Variants in ATXN10 observed in about 807,000 individuals in gnomAD.
The protein encoded by ATXN10 is ataxin 10, also known as ataxin-10.
ATXN10 carries 28 observed loss-of-function variants against 52.9 expected under a neutral mutation model. That is an observed-to-expected ratio of 0.53 (90% CI 0.39 to 0.73). The LOEUF is 0.73. ATXN10 is among the 30% of genes least tolerant of loss of function. The probability of loss-of-function intolerance (pLI) is 0.00; values close to 1 mark genes in which losing one functional copy is unlikely to be tolerated. For synonymous variants in ATXN10, 226 were observed against 221.5 expected (o/e 1.02, Z -0.18); for missense variants, 565 against 577.0 (o/e 0.98, Z 0.21).
rs530821135 is a variant in ATXN10 at position 45,786,117 on chromosome 22, T to C, written c.1174-20842T>C. 1.3e-5 allele frequency among the ~76,000 whole-genome samples: 2 copies of C among 152,348 alleles called. No homozygotes were observed. Among genetic ancestry groups the C allele is most frequent in the East Asian group, 3.9e-4 (2 of 5,194 alleles). ...ATGAGAAAATTGCACTAAATTCAGA[T>C]GTGAATGTTTGCTAAAGAAAAGATA... On this transcript the variant is annotated intron_variant, in intron 9 of 11. Coordinates refer to ENST00000252934, the MANE Select transcript of ATXN10 (RefSeq NM_013236.4). This position sits in a 1 kb window ranked among gnomAD's most constrained non-coding sequence, Gnocchi z 4.1.
At position 45,684,951 on chromosome 22, in the gene ATXN10, G is replaced by T. The variant is rs1361967604; in HGVS notation, c.117-4761G>T. Among the ~76,000 whole-genome samples the T allele has an allele frequency of 6.6e-6, 1 of 152,112 alleles. No homozygotes were observed. Among genetic ancestry groups the T allele is most frequent in the Non-Finnish European group, 1.5e-5 (1 of 68,024 alleles). ...GTTGTTTTAATCTGTGAACTTGTGT[G>T]GATTTTAATAGTTTTTCTCACTGGC... On this transcript the variant is annotated intron_variant, in intron 1 of 11. Coordinates refer to ENST00000252934, the MANE Select transcript of ATXN10 (RefSeq NM_013236.4). The surrounding 1 kb of genome is among the most constrained non-coding windows in gnomAD (Gnocchi z 4.1).
At chr22:45,724,538 G>A (rs558831452) in intron 6 of ATXN10, among the ~76,000 whole-genome samples, 1 of 151,994 alleles carries the variant, frequency 6.6e-6, no homozygotes, top group Non-Finnish European at 1.5e-5. Context: ...TCACTGATTT[G>A]TTTGAGTTCC....
At chr22:45,807,802 G>C (rs949765690) in intron 10 of ATXN10, among the ~76,000 whole-genome samples, 21 of 152,180 alleles carry the variant, frequency 1.4e-4, no homozygotes, top group Non-Finnish European at 2.8e-4. Flanking sequence ...CTTGGCTGGT[G>C]GTGGGGCAGG....
Position 45,780,409 on chromosome 22 carries a change from G to T in ATXN10, c.1174-26550G>T, listed in dbSNP as rs1202947708. On this transcript the variant is annotated intron_variant, in intron 9 of 11. Transcript: ENST00000252934. The surrounding 1 kb of genome is among the most constrained non-coding windows in gnomAD (Gnocchi z 4.0). ...GACTGTTTGCTCTCATGAGAGCAGG[G>T]TGTGAAAGCCCCCTTGTTGCCTGTT... Among the ~76,000 whole-genome samples, 1 of 152,198 alleles carries T rather than the reference G, an allele frequency of 6.6e-6. No homozygotes were observed. Among genetic ancestry groups the T allele is most frequent in the Non-Finnish European group, 1.5e-5 (1 of 68,028 alleles).
rs1418794660 is a variant in ATXN10, at chr22:45,844,771, A to G, written c.*1100A>G. On this transcript the variant is annotated 3_prime_UTR_variant, in exon 12 of 12. Transcript: ENST00000252934. ...CTAATATATCCAGAGATTTTGCACAATTCGTGTTGAACCTTCCAAAACAAA... is the reference window on the plus strand; with the variant it reads ...CTAATATATCCAGAGATTTTGCACAGTTCGTGTTGAACCTTCCAAAACAAA... The G allele has an allele frequency of 6.6e-6, 1 of 152,234 alleles. No homozygotes were observed. Among genetic ancestry groups the G allele is most frequent in the African/African-American group, 2.4e-5 (1 of 41,458 alleles). 9.4% of individuals were successfully genotyped at this position (152,234 alleles called of 1,614,324 possible). A position where few individuals can be genotyped will look rare whatever the true frequency, so the allele number is the denominator to read the frequency against.
intron 9 of ATXN10, among the ~76,000 whole-genome samples, chr22:45,760,752 C>A (rs181126817): frequency 5.9e-5 from 9 of 151,978 alleles, no homozygotes; most frequent in Non-Finnish European, 1.3e-4. Flanking sequence ...CAGTAGTGTA[C>A]CCAAGGCCAC....
Position 45,828,622 on chromosome 22 carries a change from T to C in ATXN10, c.1238-14369T>C, listed in dbSNP as rs1317412912. On this transcript the variant is annotated intron_variant, in intron 10 of 11. Transcript: ENST00000252934. The surrounding 1 kb of genome is among the most constrained non-coding windows in gnomAD (Gnocchi z 4.5). ...TGCAAGAGAGCACTGTGAACAATTG[T>C]ACACCATCAGTTTGGATAATGTAAA... Among the ~76,000 whole-genome samples the C allele has an allele frequency of 6.6e-6, 1 of 152,204 alleles. No homozygotes were observed. The highest frequency in any genetic ancestry group is 1.5e-5 in the Non-Finnish European group (1 of 68,030).
In ATXN10 at chr22:45,762,215, A is replaced by C. The variant is rs1306148796; in HGVS notation, c.1173+21677A>C. On this transcript the variant is annotated intron_variant, in intron 9 of 11. Coordinates refer to ENST00000252934, the MANE Select transcript of ATXN10 (RefSeq NM_013236.4). The surrounding 1 kb of genome is among the most constrained non-coding windows in gnomAD (Gnocchi z 4.3). ...CGTTTCCGAGACTGTGTTTCTATTT[A>C]TTTGCCCTTTGTCTGTTTCCCCTGA... Among the ~76,000 whole-genome samples the C allele has an allele frequency of 6.6e-6, 1 of 152,040 alleles. No individual in the cohort carries two copies. Among genetic ancestry groups the C allele is most frequent in the Non-Finnish European group, 1.5e-5 (1 of 68,008 alleles).
chr22:45,797,423 A>G (rs1413251741), intron 9 of ATXN10, among the ~76,000 whole-genome samples: 1 of 152,232 alleles, frequency 6.6e-6, no homozygotes, highest in Non-Finnish European at 1.5e-5. Context: ...ATATCCCAAG[A>G]TATTTGAAAA....
intron 3 of ATXN10, among the ~76,000 whole-genome samples, chr22:45,697,492 C>T (rs1923658658): frequency 6.6e-6 from 1 of 152,104 alleles, no homozygotes; most frequent in Admixed American, 6.5e-5. Flanking sequence ...TTTCCGCCTC[C>T]CTGTAGCCCC....
In ATXN10 at chr22:45,702,773, A is replaced by C. The variant is rs1923889674; in HGVS notation, c.573A>C (p.Lys191Asn). 6.2e-7 allele frequency: 1 copy of C among 1,614,058 alleles called. No individual in the cohort carries two copies. The highest frequency in any genetic ancestry group is 8.5e-7 in the Non-Finnish European group (1 of 1,179,972). The change falls in exon 5 of 12, where the codon AAA becomes AAC. Residue 191 changes from lysine (K) to asparagine (N), a missense_variant. Physicochemically the swap from Lys to Asn is moderately conservative, Grantham distance 94. Transcript: ENST00000252934. ...LFTSLNHERM[K>N]ELEENLNIAI... is the part of the protein sequence containing the mutation. Reference sequence around the variant, plus strand: ...CATCCCTTAATCATGAAAGAATGAAAGAACTGGAGGAGAACCTCAATATTG... The same window carrying C: ...CATCCCTTAATCATGAAAGAATGAACGAACTGGAGGAGAACCTCAATATTG...
rs1445661215 is a variant in ATXN10, at chr22:45,837,912, C to T, written c.1238-5079C>T. ...AAAAGCACAGGCCATCATTTGCTGACCCCTGTTCTTAGCAGTCTTCTAAAC... is the reference window on the plus strand; with the variant it reads ...AAAAGCACAGGCCATCATTTGCTGATCCCTGTTCTTAGCAGTCTTCTAAAC... On this transcript the variant is annotated intron_variant, in intron 10 of 11. Transcript: ENST00000252934. The surrounding 1 kb of genome is among the most constrained non-coding windows in gnomAD (Gnocchi z 5.8). Among the ~76,000 whole-genome samples, 1 of 152,194 alleles carries T rather than the reference C, an allele frequency of 6.6e-6. No individual in the cohort carries two copies. The highest frequency in any genetic ancestry group is 2.4e-5 in the African/African-American group (1 of 41,438).
rs74268525 is a variant in ATXN10, at chr22:45,740,679, T to TACACACAC, written c.1173+175_1173+182dup. 6.6e-4 allele frequency: 259 copies of TACACACAC among 392,040 alleles called. 2 individuals are homozygous for TACACACAC. The highest frequency in any genetic ancestry group is 3.6e-3 in the East Asian group (65 of 17,966). The allele number at this position is 392,040 out of a possible 1,614,324, so 24.3% of individuals were successfully genotyped here. A position where few individuals can be genotyped will look rare whatever the true frequency, so the allele number is the denominator to read the frequency against. On this transcript the variant is annotated intron_variant, in intron 9 of 11. Transcript: ENST00000252934. ...TAGAGAGATATATATTTTATATGAATACACACACACACACACACACACACA... is the reference window on the plus strand; with the variant it reads ...TAGAGAGATATATATTTTATATGAATACACACACACACACACACACACACACACACACA...
At chr22:45,729,871 A>G (rs531490492) in intron 7 of ATXN10, 1 of 423,960 alleles carries the variant, frequency 2.4e-6, no homozygotes, top group South Asian at 2.1e-5. Context: ...TGTATCTATT[A>G]AAAGTGGAGC....
rs573431097 is a variant in ATXN10 at position 45,718,673 on chromosome 22, A to T, written c.728+180A>T. Among the ~76,000 whole-genome samples the T allele has an allele frequency of 6.6e-6, 1 of 152,170 alleles. No individual in the cohort carries two copies. The highest frequency in any genetic ancestry group is 1.5e-5 in the Non-Finnish European group (1 of 68,032). On this transcript the variant is annotated intron_variant, in intron 6 of 11. Coordinates refer to ENST00000252934, the MANE Select transcript of ATXN10 (RefSeq NM_013236.4). The surrounding 1 kb of genome is among the most constrained non-coding windows in gnomAD (Gnocchi z 4.4). The stretch of plus-strand genomic sequence containing the variant: ...TACAGCTTAGCCACAGTAGGCAGTG[A>T]TTTATGGAGGGTAGCAGGATCCAGG...
At position 45,820,677 on chromosome 22, in the gene ATXN10, A is replaced by C. The variant is rs1928616057; in HGVS notation, c.1237+13655A>C. On this transcript the variant is annotated intron_variant, in intron 10 of 11. Coordinates refer to ENST00000252934, the MANE Select transcript of ATXN10 (RefSeq NM_013236.4). This position sits in a 1 kb window ranked among gnomAD's most constrained non-coding sequence, Gnocchi z 4.9. ...AACTCTTACCATTCTTTAGTCTTAAAATCTTCATTGAGGTCAAGAGAAAAG... is the reference window on the plus strand; with the variant it reads ...AACTCTTACCATTCTTTAGTCTTAACATCTTCATTGAGGTCAAGAGAAAAG... 6.6e-6 allele frequency among the ~76,000 whole-genome samples: 1 copy of C among 152,214 alleles called. No homozygotes were observed. Among genetic ancestry groups the C allele is most frequent in the Admixed American group, 6.5e-5 (1 of 15,284 alleles).
chr22:45,673,970 C>G (rs1264749717), intron 1 of ATXN10: 1 of 152,066 alleles, frequency 6.6e-6, no homozygotes, highest in East Asian at 1.9e-4. Context: ...TTTAGAAGGC[C>G]CTTCTTGACT....
intron 6 of ATXN10, among the ~76,000 whole-genome samples, chr22:45,720,136 TTTTCA>T (rs1924594069): frequency 6.6e-6 from 1 of 152,174 alleles, no homozygotes; most frequent in Non-Finnish European, 1.5e-5. Flanking sequence ...CCACTTTACC[TTTTCA>T]GTTCATACTG....
At chr22:45,711,865 A>G (rs993312068) in intron 5 of ATXN10, among the ~76,000 whole-genome samples, 2 of 152,200 alleles carry the variant, frequency 1.3e-5, no homozygotes, top group Admixed American at 6.5e-5. Flanking sequence ...TAATGCCACC[A>G]TTATGCCAGA....
Sources: allele counts gnomAD v4.1 joint callset (sites outside exome capture counted in the v4.1 genomes callset), GRCh38; gene constraint gnomAD v4.1.1; non-coding constraint Gnocchi (gnomAD v3.1); transcripts MANE v1.5; gene names NCBI Gene and HGNC (gene_info 2026-07-23, HGNC 2026-07-21).